Variants in QTMAN observed in about 807,000 individuals in gnomAD.
QTMAN encodes the protein tRNA-queuosine alpha-mannosyltransferase.
At chr2:144,104,373 ATGGATGGCACC>A in the QTMAN span, among the ~76,000 whole-genome samples, 1 of 152,166 alleles carries the variant, frequency 6.6e-6, no homozygotes, top group Admixed American at 6.5e-5. Flanking sequence ...GGAAGCGGTG[ATGGATGGCACC>A]TGGAAAATCG....
At chr2:144,328,303 T>C in the QTMAN span, among the ~76,000 whole-genome samples, 4 of 152,318 alleles carry the variant, frequency 2.6e-5, no homozygotes, top group South Asian at 8.3e-4. Flanking sequence ...AAATGACTTG[T>C]GTGATCCTAC....
At chr2:144,008,779 C>A in the QTMAN span, among the ~76,000 whole-genome samples, 2 of 152,012 alleles carry the variant, frequency 1.3e-5, no homozygotes, top group African/African-American at 4.8e-5. Flanking sequence ...TAAAATGGGG[C>A]ATAAAACACT....
chr2:144,101,455 C>G, the QTMAN span, among the ~76,000 whole-genome samples: 1 of 151,972 alleles, frequency 6.6e-6, no homozygotes, highest in South Asian at 2.1e-4. Flanking sequence ...AAAAAGATAG[C>G]CTTATAGTGA....
chr2:144,095,760 T>C, the QTMAN span, among the ~76,000 whole-genome samples: 1 of 152,170 alleles, frequency 6.6e-6, no homozygotes, highest in Non-Finnish European at 1.5e-5. Flanking sequence ...ATCAATCTAT[T>C]GCTCGGTTTT....
chr2:144,092,467 G>A, the QTMAN span, among the ~76,000 whole-genome samples: 37 of 152,152 alleles, frequency 2.4e-4, no homozygotes, highest in East Asian at 5.6e-3. Context: ...GAGCCACCAC[G>A]CCTGGCCAAA....
chr2:144,205,967 T>C, the QTMAN span, among the ~76,000 whole-genome samples: 12 of 152,240 alleles, frequency 7.9e-5, no homozygotes, highest in African/African-American at 2.7e-4. Flanking sequence ...TGTTGAGCTT[T>C]CGTAATCTAT....
At chr2:144,090,465 C>T in the QTMAN span, among the ~76,000 whole-genome samples, 16 of 151,830 alleles carry the variant, frequency 1.1e-4, no homozygotes, top group Admixed American at 3.9e-4. Flanking sequence ...TGTAGAAAAT[C>T]TGATAAAATC....
the QTMAN span, among the ~76,000 whole-genome samples, chr2:144,029,446 G>A: frequency 6.6e-6 from 1 of 152,140 alleles, no homozygotes; most frequent in Non-Finnish European, 1.5e-5. Context: ...CCAGACACCT[G>A]AGTTGTGAGG....
chr2:144,167,087 G>T, the QTMAN span, among the ~76,000 whole-genome samples: 1 of 152,028 alleles, frequency 6.6e-6, no homozygotes, highest in South Asian at 2.1e-4. Flanking sequence ...GTTAAAGTAG[G>T]TCTCCCATTC....
chr2:144,237,881 C>T, the QTMAN span, among the ~76,000 whole-genome samples: 2 of 152,198 alleles, frequency 1.3e-5, no homozygotes, highest in African/African-American at 4.8e-5. Context: ...CCAGCTGCCA[C>T]GTTGTGAGGA....
chr2:144,100,988 G>A, the QTMAN span, among the ~76,000 whole-genome samples: 1 of 146,000 alleles, frequency 6.8e-6, no homozygotes. Context: ...TCCTGCCTCA[G>A]CCTCCCCAGT....
At chr2:143,964,751 A>G in the QTMAN span, among the ~76,000 whole-genome samples, 1 of 152,162 alleles carries the variant, frequency 6.6e-6, no homozygotes, top group Non-Finnish European at 1.5e-5. Flanking sequence ...CCATTGTCAT[A>G]CCAGATACTA....
the QTMAN span, among the ~76,000 whole-genome samples, chr2:144,002,804 T>A: frequency 1.6e-3 from 248 of 152,040 alleles, no homozygotes; most frequent in African/African-American, 5.7e-3. Context: ...CAAGTTTTGG[T>A]ATAGTATCAA....
the QTMAN span, among the ~76,000 whole-genome samples, chr2:143,957,675 TA>T: frequency 6.6e-6 from 1 of 152,030 alleles, no homozygotes; most frequent in Non-Finnish European, 1.5e-5. Context: ...CTAATGGAGA[TA>T]AAATTAAAAG....
the QTMAN span, chr2:143,944,475 C>T: frequency 6.6e-6 from 1 of 152,102 alleles, no homozygotes; most frequent in Non-Finnish European, 1.5e-5. Flanking sequence ...CAGAGTCTCG[C>T]TCTGTCGCCC....
At chr2:144,284,181 T>G in the QTMAN span, among the ~76,000 whole-genome samples, 871 of 152,096 alleles carry the variant, frequency 5.7e-3, 7 homozygotes, top group African/African-American at 0.02. Context: ...GAAAGAAATA[T>G]AACAAATTAA....
At chr2:144,065,090 C>T in the QTMAN span, among the ~76,000 whole-genome samples, 1 of 152,152 alleles carries the variant, frequency 6.6e-6, no homozygotes, top group Non-Finnish European at 1.5e-5. Flanking sequence ...ATGTCCCATC[C>T]AAAGGCATTC....
At chr2:144,205,257 T>C in the QTMAN span, among the ~76,000 whole-genome samples, 1 of 152,170 alleles carries the variant, frequency 6.6e-6, no homozygotes, top group Non-Finnish European at 1.5e-5. Context: ...CCATCAGCCA[T>C]TTATGGCAAT....
chr2:144,007,369 T>C, the QTMAN span: 1 of 1,613,338 alleles, frequency 6.2e-7, no homozygotes. Context: ...TGTCGTGCAG[T>C]ATCAAGGCCA....
Sources: allele counts gnomAD v4.1 joint callset (sites outside exome capture counted in the v4.1 genomes callset), GRCh38; gene constraint gnomAD v4.1.1; transcripts MANE v1.5; gene names NCBI Gene and HGNC (gene_info 2026-07-23, HGNC 2026-07-21).